The following CPEB3 variants were observed in gnomAD, a reference collection of about 807,000 sequenced individuals.
CPEB3 encodes the protein cytoplasmic polyadenylation element-binding protein 3.
CPEB3 carries 20 observed loss-of-function variants against 67.2 expected under a neutral mutation model. That is an observed-to-expected ratio of 0.30 (90% CI 0.21 to 0.43). CPEB3 has a LOEUF of 0.43. CPEB3 is among the 20% of genes least tolerant of loss of function. The pLI, the probability that CPEB3 is intolerant of heterozygous loss-of-function variation, is 1.00. For synonymous variants in CPEB3, 376 were observed against 393.1 expected (o/e 0.96, Z 0.51); for missense variants, 746 against 968.6 (o/e 0.77, Z 3.05).
chr10:92,226,320 CTT>C (rs1211456476), intron 2 of CPEB3, among the ~76,000 whole-genome samples: 1 of 152,220 alleles, frequency 6.6e-6, no homozygotes, highest in Non-Finnish European at 1.5e-5. Flanking sequence ...ACAACACACT[CTT>C]GTTTTAGACC....
intron 3 of CPEB3, among the ~76,000 whole-genome samples, chr10:92,182,502 C>T (rs906855855): frequency 2.0e-5 from 3 of 152,072 alleles, no homozygotes; most frequent in East Asian, 1.9e-4. Flanking sequence ...CCCCAGGCTA[C>T]GATAATTTGT....
In CPEB3 at chr10:92,147,881, A is replaced by C. The variant is rs111607850; in HGVS notation, c.1223-2796T>G. 2.4e-3 allele frequency among the ~76,000 whole-genome samples: 364 copies of C among 152,238 alleles called. 2 individuals carry two copies. The highest frequency in any genetic ancestry group is 7.8e-3 in the African/African-American group (325 of 41,532). On this transcript the variant is annotated intron_variant, in intron 4 of 9. Transcript: ENST00000265997. ...ATTGCTCCTTCTCTAATATTCCCTA[A>C]AATCTCAATAAAAATGCTGATTATC...
intron 4 of CPEB3, among the ~76,000 whole-genome samples, chr10:92,150,422 C>T (rs761654637): frequency 6.6e-6 from 1 of 152,116 alleles, no homozygotes; most frequent in Non-Finnish European, 1.5e-5. Context: ...TCCTGAAGGA[C>T]TATTCCGTTA....
chr10:92,079,415 T>C (rs1359650791), intron 9 of CPEB3, among the ~76,000 whole-genome samples: 1 of 152,164 alleles, frequency 6.6e-6, no homozygotes, highest in African/African-American at 2.4e-5. Flanking sequence ...CAGATTGCTA[T>C]GGATACTTAA....
At chr10:92,202,446 A>G (rs1849564683) in intron 2 of CPEB3, among the ~76,000 whole-genome samples, 1 of 151,032 alleles carries the variant, frequency 6.6e-6, no homozygotes, top group Non-Finnish European at 1.5e-5. Context: ...ATAATGCAAT[A>G]ACATTCAGCA....
chr10:92,277,062 T>C (rs958014268), intron 1 of CPEB3, among the ~76,000 whole-genome samples: 2 of 152,228 alleles, frequency 1.3e-5, no homozygotes, highest in African/African-American at 4.8e-5. Context: ...ATATTCCCGT[T>C]CAGATATGAT....
chr10:92,084,025 A>G (rs550712605), intron 8 of CPEB3, among the ~76,000 whole-genome samples: 10 of 152,078 alleles, frequency 6.6e-5, no homozygotes, highest in Non-Finnish European at 1.3e-4. Context: ...CTACTAAAAT[A>G]CAAAAAATTA....
chr10:92,113,570 T>C (rs4933717), intron 6 of CPEB3, among the ~76,000 whole-genome samples: 41,936 of 152,132 alleles, frequency 0.28, 6,489 homozygotes, highest in Admixed American at 0.37. Flanking sequence ...TATTGTATTA[T>C]GTACACATCA....
rs117600522 is a variant in CPEB3 at position 92,132,056 on chromosome 10, T to C, written c.1453+10973A>G. Reference sequence around the variant, plus strand: ...TTTAACATGCAAACAAAATTATTAATGAGATTCTCTACATTTAAAACAAAA... The same window carrying C: ...TTTAACATGCAAACAAAATTATTAACGAGATTCTCTACATTTAAAACAAAA... On this transcript the variant is annotated intron_variant, in intron 6 of 9. Coordinates refer to ENST00000265997, the MANE Select transcript of CPEB3 (RefSeq NM_014912.5). 4.4e-3 allele frequency among the ~76,000 whole-genome samples: 672 copies of C among 152,340 alleles called. 5 individuals are homozygous for C. Among genetic ancestry groups the C allele is most frequent in the Non-Finnish European group, 7.5e-3 (512 of 68,028 alleles).
Position 92,181,997 on chromosome 10 carries a change from G to GA in CPEB3, c.1166-979dup, listed in dbSNP as rs536475110. Reference sequence around the variant, plus strand: ...AGGAAAATTTGAGAGAGTCTTATATGAAAAAAAAAAAATGTACTTAGAAAG... The same window carrying GA: ...AGGAAAATTTGAGAGAGTCTTATATGAAAAAAAAAAAAATGTACTTAGAAAG... On this transcript the variant is annotated intron_variant, in intron 3 of 9. Coordinates refer to ENST00000265997, the MANE Select transcript of CPEB3 (RefSeq NM_014912.5). 9.1e-3 allele frequency among the ~76,000 whole-genome samples: 1,314 copies of GA among 143,692 alleles called. 15 individuals carry two copies. The highest frequency in any genetic ancestry group is 0.03 in the African/African-American group (1,203 of 39,528). The allele number at this position is 143,692 out of a possible 152,430, so 94.3% of individuals were successfully genotyped here.
chr10:92,110,637 C>T (rs1198464155), intron 7 of CPEB3, among the ~76,000 whole-genome samples: 1 of 152,208 alleles, frequency 6.6e-6, no homozygotes, highest in South Asian at 2.1e-4. Flanking sequence ...ACCCAGAAGG[C>T]TCTATTTAAC....
intron 9 of CPEB3, among the ~76,000 whole-genome samples, chr10:92,055,554 TAG>T (rs1842078028): frequency 6.6e-6 from 1 of 152,162 alleles, no homozygotes. Context: ...TACAATGCAG[TAG>T]AGAGTTTTCA....
At chr10:92,209,809 C>T (rs1590394839) in intron 2 of CPEB3, among the ~76,000 whole-genome samples, 1 of 151,300 alleles carries the variant, frequency 6.6e-6, no homozygotes, top group African/African-American at 2.4e-5. Context: ...TGGTAGCAGG[C>T]GCCTGTAATC....
At chr10:92,133,050 C>A (rs1321996935) in intron 6 of CPEB3, among the ~76,000 whole-genome samples, 1 of 152,046 alleles carries the variant, frequency 6.6e-6, no homozygotes, top group Non-Finnish European at 1.5e-5. Flanking sequence ...CACTAAATGC[C>A]CCCAAGAGAA....
At chr10:92,054,557 C>T (rs908355129) in intron 9 of CPEB3, among the ~76,000 whole-genome samples, 45 of 151,906 alleles carry the variant, frequency 3.0e-4, no homozygotes, top group African/African-American at 1.0e-3. Context: ...CCCCTGCCTC[C>T]GCCTCCCAAG....
intron 2 of CPEB3, among the ~76,000 whole-genome samples, chr10:92,213,399 CAAT>C (rs934373109): frequency 1.1e-4 from 17 of 152,206 alleles, no homozygotes; most frequent in African/African-American, 2.6e-4. Flanking sequence ...CAAACAGAAA[CAAT>C]GATGATCGGT....
intron 2 of CPEB3, among the ~76,000 whole-genome samples, chr10:92,209,683 G>A (rs547628400): frequency 3.8e-4 from 58 of 151,936 alleles, no homozygotes; most frequent in Non-Finnish European, 7.8e-4. Context: ...GCTCACGCTT[G>A]TAATCCCAGC....
At chr10:92,206,797 C>T (rs182769833) in intron 2 of CPEB3, among the ~76,000 whole-genome samples, 57 of 152,138 alleles carry the variant, frequency 3.7e-4, no homozygotes, top group South Asian at 6.2e-4. Flanking sequence ...TTAAGTAAAC[C>T]GTTTCCCCAA....
intron 2 of CPEB3, among the ~76,000 whole-genome samples, chr10:92,226,866 G>A (rs1851002105): frequency 2.0e-5 from 3 of 151,158 alleles, no homozygotes; most frequent in Non-Finnish European, 4.4e-5. Flanking sequence ...GGCCTGGAAG[G>A]AGGGGAAGGG....
Sources: allele counts gnomAD v4.1 joint callset (sites outside exome capture counted in the v4.1 genomes callset), GRCh38; gene constraint gnomAD v4.1.1; transcripts MANE v1.5; gene names NCBI Gene and HGNC (gene_info 2026-07-23, HGNC 2026-07-21).